The following NUGGC variants were observed in gnomAD, a reference collection of about 807,000 sequenced individuals.
NUGGC encodes the protein nuclear GTPase SLIP-GC.
In NUGGC, 58 loss-of-function variants were observed where a neutral mutation model predicts 92.6. The observed-to-expected ratio is 0.63, with a 90% CI of 0.51 to 0.78. The LOEUF (loss-of-function observed/expected upper bound fraction) is 0.78, where lower values mean the gene tolerates loss of function less well. NUGGC is among the 30% of genes least tolerant of loss of function. NUGGC has a pLI of 0.00. For synonymous variants in NUGGC, 376 were observed against 366.4 expected, an observed-to-expected ratio of 1.03 and a Z score of -0.30; for missense variants, 925 against 964.6, an observed-to-expected ratio of 0.96 and a Z score of 0.54.
At chr8:28,064,753 A>T in intron 6 of NUGGC, 22 bp from the exon 7 acceptor site, 1 of 1,604,426 alleles carries the variant, frequency 6.2e-7, no homozygotes, top group African/African-American at 1.3e-5. Context: ...GGACAGAGTC[A>T]CACACACCAG....
intron 10 of NUGGC, among the ~76,000 whole-genome samples, chr8:28,049,404 A>G (rs1809930991): frequency 6.6e-6 from 1 of 152,272 alleles, no homozygotes; most frequent in Non-Finnish European, 1.5e-5. Flanking sequence ...GTAGAGTTTT[A>G]AAACAGTTCC....
chr8:28,069,684 T>C (rs776680121), intron 3 of NUGGC, 32 bp from the exon 4 acceptor site: 21 of 1,108,740 alleles, frequency 1.9e-5, no homozygotes, highest in Admixed American at 8.4e-5. Context: ...CACCTGCAGG[T>C]ACCTGGCAGG....
At chr8:28,078,424 G>C (rs538731295) in intron 1 of NUGGC, among the ~76,000 whole-genome samples, 3 of 152,196 alleles carry the variant, frequency 2.0e-5, no homozygotes, top group Non-Finnish European at 4.4e-5. Context: ...TCAGTATATA[G>C]TCATTGGGTT....
At chr8:28,079,413 G>T (rs34318290) in intron 1 of NUGGC, among the ~76,000 whole-genome samples, 58,524 of 151,898 alleles carry the variant, frequency 0.39, 13,183 homozygotes, top group Middle Eastern at 0.52. Flanking sequence ...GGTGGCACGC[G>T]CCTGTAATCC....
intron 1 of NUGGC, among the ~76,000 whole-genome samples, chr8:28,081,348 T>G (rs1005025726): frequency 1.2e-5 from 1 of 85,514 alleles, no homozygotes. Context: ...AAGAGTTCGT[T>G]GTGAGAATTA....
At chr8:28,040,129 C>T (rs189803728) in intron 13 of NUGGC, among the ~76,000 whole-genome samples, 3 of 152,264 alleles carry the variant, frequency 2.0e-5, no homozygotes, top group East Asian at 1.9e-4. Context: ...ATGGGAAAAT[C>T]GATGTCTGTG....
At chr8:28,032,533 T>C (rs560352942) in intron 14 of NUGGC, among the ~76,000 whole-genome samples, 323 of 151,630 alleles carry the variant, frequency 2.1e-3, no homozygotes, top group African/African-American at 7.7e-3. Context: ...CTGGCTAACA[T>C]GGTGAAACCC....
In NUGGC at chr8:28,050,043, C is replaced by T. The variant is rs193186644; in HGVS notation, c.1207-2431G>A. Among the ~76,000 whole-genome samples, 293 of 151,326 alleles carry T rather than the reference C, an allele frequency of 1.9e-3. 1 individual carries two copies. Among genetic ancestry groups the T allele is most frequent in the African/African-American group, 6.8e-3 (280 of 41,200 alleles). ...CAGAGGCTGCAGTGAGCCATGATCACGCCATTGAACTCCAGCCAGGACAAC... is the reference window on the plus strand; with the variant it reads ...CAGAGGCTGCAGTGAGCCATGATCATGCCATTGAACTCCAGCCAGGACAAC... On this transcript the variant is annotated intron_variant, in intron 10 of 18. Transcript: ENST00000413272.
At chr8:28,046,680 A>ATTTTTT (rs4054869) in intron 11 of NUGGC, among the ~76,000 whole-genome samples, 2 of 139,592 alleles carry the variant, frequency 1.4e-5, no homozygotes, top group African/African-American at 2.7e-5. Flanking sequence ...TGATAACCCA[A>ATTTTTT]TTTTTTTTTT....
Position 28,067,585 on chromosome 8 carries a change from C to T in NUGGC, c.640G>A (p.Glu214Lys). The T allele has an allele frequency of 6.2e-7, 1 of 1,613,734 alleles. No homozygotes were observed. Among genetic ancestry groups the T allele is most frequent in the Non-Finnish European group, 8.5e-7 (1 of 1,179,748 alleles). ...YGNGAESKNY[E>K]ELLRAKPKRK... ...TTGGGCTTCGCCCTCAGTAACTCCT[C>T]ATAGTTCTTACTCTCTGCCCCATTT... Residue 214 changes from glutamate to lysine, a missense_variant, in exon 6 of 19, where the codon GAG (glutamate) becomes AAG (lysine). Transcript: ENST00000413272.
At chr8:28,056,915 G>A (rs1810156584) in intron 9 of NUGGC, among the ~76,000 whole-genome samples, 1 of 152,160 alleles carries the variant, frequency 6.6e-6, no homozygotes, top group Non-Finnish European at 1.5e-5. Flanking sequence ...TTGCTGGTGT[G>A]GTGAGCTCAA....
At chr8:28,041,351 C>T (rs2130123380) in intron 12 of NUGGC, 136 bp from the exon 13 acceptor site, 2 of 832,728 alleles carry the variant, frequency 2.4e-6, no homozygotes, top group Non-Finnish European at 3.7e-6. Context: ...TTTATTGTCC[C>T]CATAAGACCT....
At chr8:28,053,242 T>C (rs1240534572) in intron 10 of NUGGC, among the ~76,000 whole-genome samples, 1 of 152,178 alleles carries the variant, frequency 6.6e-6, no homozygotes, top group Non-Finnish European at 1.5e-5. Flanking sequence ...GAGAATTGCT[T>C]GAGCCCAGGA....
At position 28,033,592 on chromosome 8, in the gene NUGGC, G is replaced by A. The variant is rs1219355299; in HGVS notation, c.1717C>T (p.Leu573Phe). The A allele has an allele frequency of 6.2e-7, 1 of 1,613,966 alleles. No homozygotes were observed. Among genetic ancestry groups the A allele is most frequent in the Non-Finnish European group, 8.5e-7 (1 of 1,179,880 alleles). Reference sequence around the variant, plus strand: ...ATCTGGTCATAGACGGGCTGAGTGAGGGCTTCATTTAGATCAATTCTCGCC... The same window carrying A: ...ATCTGGTCATAGACGGGCTGAGTGAAGGCTTCATTTAGATCAATTCTCGCC... The part of the protein sequence containing the change: ...TLARIDLNEA[L>F]TQPVYDQIDP... The change falls in exon 14 of 19, where the codon CTC (leucine) becomes TTC (phenylalanine). Residue 573 changes from leucine (L) to phenylalanine (F), a missense_variant. Leu to Phe is a conservative substitution (Grantham distance 22). Coordinates refer to ENST00000413272, the MANE Select transcript of NUGGC (RefSeq NM_001010906.2).
At chr8:28,076,135 C>A (rs1172616785) in intron 1 of NUGGC, among the ~76,000 whole-genome samples, 3 of 152,322 alleles carry the variant, frequency 2.0e-5, no homozygotes, top group Middle Eastern at 3.4e-3. Flanking sequence ...CTGGTTGAAC[C>A]ACTCGAGGTC....
chr8:28,029,223 G>A (rs1444873936), intron 17 of NUGGC, 43 bp downstream of exon 17: 1 of 1,578,504 alleles, frequency 6.3e-7, no homozygotes, highest in Non-Finnish European at 8.6e-7. Flanking sequence ...TCCTCCCCCG[G>A]AGCCTCTCGG....
At chr8:28,062,897 G>A (rs754623312) in intron 7 of NUGGC, among the ~76,000 whole-genome samples, 8 of 152,180 alleles carry the variant, frequency 5.3e-5, no homozygotes, top group Non-Finnish European at 1.0e-4. Flanking sequence ...AGTTAGTGTC[G>A]CAGAAGATAC....
At chr8:28,052,592 G>A (rs1052293693) in intron 10 of NUGGC, among the ~76,000 whole-genome samples, 3 of 152,174 alleles carry the variant, frequency 2.0e-5, no homozygotes, top group African/African-American at 7.2e-5. Context: ...AGACAGAACT[G>A]TACCAGATCC....
In NUGGC at chr8:28,060,469, C is replaced by G. The variant is rs771804314; in HGVS notation, c.1054G>C (p.Val352Leu). The change falls in exon 8 of 19, where the codon GTG becomes CTG. Residue 352 changes from valine (V) to leucine (L), a missense_variant. Transcript: ENST00000413272. ...TGGAGTTTGTCCATCTTGGTGACCA[C>G]CAGGGCCACGTCCCTACAGAAGCCC... ...QRGFCRDVAL[V>L]VTKMDKLHLP... is the part of the protein sequence containing the mutation. 1.1e-5 allele frequency: 18 copies of G among 1,613,798 alleles called. No individual in the cohort carries two copies. The highest frequency in any genetic ancestry group is 1.7e-6 in the Non-Finnish European group (2 of 1,179,866).
Sources: allele counts gnomAD v4.1 joint callset (sites outside exome capture counted in the v4.1 genomes callset), GRCh38; gene constraint gnomAD v4.1.1; transcripts MANE v1.5; gene names NCBI Gene and HGNC (gene_info 2026-07-23, HGNC 2026-07-21).